The following CABIN1 variants were observed in gnomAD, a reference collection of about 807,000 sequenced individuals.
CABIN1 encodes the protein calcineurin-binding protein cabin-1.
Under a neutral mutation model 227.7 loss-of-function variants are expected in CABIN1, and 133 were observed. That is an observed-to-expected ratio of 0.58 (90% CI 0.51 to 0.67). The LOEUF (loss-of-function observed/expected upper bound fraction) is 0.67, where lower values mean the gene tolerates loss of function less well. Among genes scored for constraint, CABIN1 ranks in the 30% least tolerant of loss-of-function variants. CABIN1 has a pLI of 0.00. For missense variants in CABIN1, 2,408 were observed against 2,852.5 expected (o/e 0.84, Z 3.55); for synonymous variants, 1,086 against 1,155.1 (o/e 0.94, Z 1.21).
chr22:24,131,765 A>G (rs1480723496), intron 28 of CABIN1, among the ~76,000 whole-genome samples: 1 of 152,156 alleles, frequency 6.6e-6, no homozygotes, highest in Non-Finnish European at 1.5e-5. Context: ...CAACTGTGGT[A>G]TTAGAAGTGC....
intron 19 of CABIN1, among the ~76,000 whole-genome samples, chr22:24,077,739 A>G (rs1260586777): frequency 6.6e-6 from 1 of 151,944 alleles, no homozygotes; most frequent in Non-Finnish European, 1.5e-5. Flanking sequence ...CCATAAGGTC[A>G]CCTCCACAAG....
At chr22:24,072,154 G>A (rs2040132812) in intron 17 of CABIN1, among the ~76,000 whole-genome samples, 200 bp from the exon 18 acceptor site, 1 of 152,208 alleles carries the variant, frequency 6.6e-6, no homozygotes, top group Non-Finnish European at 1.5e-5. Flanking sequence ...AAGGAGAGTA[G>A]TGTGACTATC....
intron 1 of CABIN1, among the ~76,000 whole-genome samples, chr22:24,017,654 G>A (rs542519867): frequency 1.3e-4 from 20 of 152,178 alleles, no homozygotes; most frequent in African/African-American, 4.3e-4. Context: ...AGCATATTTC[G>A]GAATTGCCTT....
At chr22:24,078,637 C>T (rs2040596641) in intron 19 of CABIN1, among the ~76,000 whole-genome samples, 1 of 152,148 alleles carries the variant, frequency 6.6e-6, no homozygotes, top group Non-Finnish European at 1.5e-5. Context: ...TGTTCATCTC[C>T]ACACAGCTCA....
At chr22:24,165,967 C>G (rs2046422247) in intron 31 of CABIN1, among the ~76,000 whole-genome samples, 1 of 152,224 alleles carries the variant, frequency 6.6e-6, no homozygotes, top group Non-Finnish European at 1.5e-5. Flanking sequence ...CATGTGTGTG[C>G]ATCGTCCCTT....
intron 17 of CABIN1, 22 bp from the exon 18 acceptor site, chr22:24,072,325 TTCTGCTG>T (rs1312709388): frequency 6.2e-7 from 1 of 1,613,806 alleles, no homozygotes; most frequent in Non-Finnish European, 8.5e-7. Context: ...GCTGTGACAC[TTCTGCTG>T]TCTCCCACCC....
intron 11 of CABIN1, 87 bp from the exon 12 acceptor site, chr22:24,059,835 AAC>A: frequency 9.0e-7 from 1 of 1,108,408 alleles, no homozygotes; most frequent in Admixed American, 1.9e-5. Context: ...AGAGGGAGGG[AAC>A]AGTCTTTACT....
intron 29 of CABIN1, among the ~76,000 whole-genome samples, chr22:24,136,522 G>GTTTTTTT (rs2044413985): frequency 1.3e-5 from 1 of 77,378 alleles, no homozygotes; most frequent in African/African-American, 6.6e-5. Context: ...GCTAATTTTT[G>GTTTTTTT]TATTTTTTTT....
intron 4 of CABIN1, among the ~76,000 whole-genome samples, chr22:24,040,148 C>G (rs1168453613): frequency 6.6e-6 from 1 of 152,216 alleles, no homozygotes; most frequent in African/African-American, 2.4e-5. Flanking sequence ...TTGAAGAGTT[C>G]TGTACCTGGA....
intron 5 of CABIN1, 64 bp downstream of exon 5, chr22:24,041,337 T>G: frequency 6.2e-7 from 1 of 1,604,938 alleles, no homozygotes. Flanking sequence ...GGGGATGAGG[T>G]TGCGGTCTTG....
intron 17 of CABIN1, 109 bp from the exon 18 acceptor site, chr22:24,072,245 G>C (rs1281250026): frequency 2.2e-5 from 24 of 1,107,280 alleles, no homozygotes; most frequent in Non-Finnish European, 3.1e-5. Context: ...AGTGGGGGTG[G>C]GCAGGCAGCA....
At chr22:24,112,239 C>T (rs144632707) in intron 26 of CABIN1, among the ~76,000 whole-genome samples, 20 of 152,278 alleles carry the variant, frequency 1.3e-4, no homozygotes, top group African/African-American at 4.6e-4. Context: ...ATATTTATGC[C>T]TGGAATAGGC....
chr22:24,176,659 T>G (rs1465379101), intron 35 of CABIN1, among the ~76,000 whole-genome samples: 1 of 152,044 alleles, frequency 6.6e-6, no homozygotes, highest in Non-Finnish European at 1.5e-5. Flanking sequence ...TGACAGACAC[T>G]TGAGGGACAT....
chr22:24,017,091 C>T (rs1272062684), intron 1 of CABIN1, among the ~76,000 whole-genome samples: 2 of 142,778 alleles, frequency 1.4e-5, no homozygotes, highest in Non-Finnish European at 3.0e-5. Flanking sequence ...GGCTGGAGTG[C>T]AATGGCGCGA....
At chr22:24,163,149 G>A (rs903140973) in intron 29 of CABIN1, among the ~76,000 whole-genome samples, 6 of 152,216 alleles carry the variant, frequency 3.9e-5, no homozygotes, top group Non-Finnish European at 5.9e-5. Context: ...CTGCCAGGAA[G>A]TAGAAGGTGG....
rs1473093073 is a variant in CABIN1, at chr22:24,146,922, G to A, written c.4746+12507G>A. 3.9e-5 allele frequency among the ~76,000 whole-genome samples: 6 copies of A among 152,194 alleles called. No homozygotes were observed. The South Asian group carries it at 6.2e-4, about 16-fold the overall frequency. On this transcript the variant is annotated intron_variant, in intron 29 of 36. Coordinates refer to ENST00000263119, the MANE Select transcript of CABIN1 (RefSeq NM_012295.4). ...ACAGCGCACTCATGACTTGCCTAAG[G>A]TCATATAGCCAGTAAGTGGCAGAGC...
intron 1 of CABIN1, among the ~76,000 whole-genome samples, chr22:24,015,140 C>T (rs745896694): frequency 6.6e-6 from 1 of 150,704 alleles, no homozygotes; most frequent in African/African-American, 2.4e-5. Flanking sequence ...GTGGTGGGCA[C>T]CTGTAATCCC....
chr22:24,121,301 A>G (rs556156075), intron 28 of CABIN1, among the ~76,000 whole-genome samples: 14 of 152,348 alleles, frequency 9.2e-5, no homozygotes, highest in African/African-American at 3.4e-4. Context: ...ACAGGGGTCC[A>G]AGAAGGTAAG....
chr22:24,035,981 G>T, intron 2 of CABIN1, 108 bp from the exon 3 acceptor site: 1 of 800,020 alleles, frequency 1.2e-6, no homozygotes. Context: ...GCTTTTCAAG[G>T]TAGAATAGAT....
Sources: allele counts gnomAD v4.1 joint callset (sites outside exome capture counted in the v4.1 genomes callset), GRCh38; gene constraint gnomAD v4.1.1; transcripts MANE v1.5; gene names NCBI Gene and HGNC (gene_info 2026-07-23, HGNC 2026-07-21).